Variants in RFX4 observed in about 807,000 individuals in gnomAD.
RFX4 encodes transcription factor RFX4.
In RFX4, 10 loss-of-function variants were observed where a neutral mutation model predicts 95.0. That is an observed-to-expected ratio of 0.11 (90% CI 0.06 to 0.18). The LOEUF is 0.18. RFX4 is among the 10% of genes least tolerant of loss of function. RFX4 has a pLI of 1.00. For synonymous variants in RFX4, 321 were observed against 340.7 expected (o/e 0.94, Z 0.64); for missense variants, 640 against 922.0 (o/e 0.69, Z 3.96).
At position 106,596,237 on chromosome 12, in the gene RFX4, C is replaced by T. The variant is rs186790794; in HGVS notation, c.44-12560C>T. Among the ~76,000 whole-genome samples, 659 of 152,248 alleles carry T rather than the reference C, an allele frequency of 4.3e-3. 4 individuals carry two copies. The highest frequency in any genetic ancestry group is 0.01 in the Middle Eastern group (3 of 294). The stretch of plus-strand genomic sequence containing the variant: ...GCAGGTCTTTCCTGTGCTGTTCTTG[C>T]GATAGTCAGTGAGTCTCATGAAATC... On this transcript the variant is annotated intron_variant, in intron 1 of 17. Coordinates refer to ENST00000392842, the MANE Select transcript of RFX4 (RefSeq NM_213594.3).
At chr12:106,658,490 A>T (rs1397673704) in intron 4 of RFX4, among the ~76,000 whole-genome samples, 1 of 152,098 alleles carries the variant, frequency 6.6e-6, no homozygotes, top group Non-Finnish European at 1.5e-5. Flanking sequence ...CCAATTTAAA[A>T]CTTCAATCTC....
intron 2 of RFX4, among the ~76,000 whole-genome samples, chr12:106,631,560 A>T (rs1451875360): frequency 1.3e-5 from 2 of 152,146 alleles, no homozygotes; most frequent in African/African-American, 2.4e-5. Context: ...TCTCCTTATA[A>T]AAGAGGCCCC....
intron 3 of RFX4, among the ~76,000 whole-genome samples, chr12:106,647,682 A>G (rs1378267055): frequency 6.6e-6 from 1 of 152,104 alleles, no homozygotes; most frequent in Non-Finnish European, 1.5e-5. Flanking sequence ...CCTGCCATCA[A>G]AGGACTTTCA....
intron 8 of RFX4, among the ~76,000 whole-genome samples, chr12:106,707,326 A>G (rs2042105056): frequency 6.6e-6 from 1 of 152,172 alleles, no homozygotes; most frequent in Non-Finnish European, 1.5e-5. Flanking sequence ...AAGTGCAGAC[A>G]GTGAATCTGC....
At chr12:106,618,888 T>C (rs1318265559) in intron 2 of RFX4, among the ~76,000 whole-genome samples, 3 of 152,200 alleles carry the variant, frequency 2.0e-5, no homozygotes, top group African/African-American at 7.2e-5. Flanking sequence ...TTCTGCTAGC[T>C]TTTCAATTAT....
intron 1 of RFX4, among the ~76,000 whole-genome samples, chr12:106,602,649 G>C (rs2039736082): frequency 1.3e-5 from 2 of 152,154 alleles, no homozygotes; most frequent in Non-Finnish European, 2.9e-5. Context: ...TCCTGGGGTT[G>C]GGGGTAACCT....
chr12:106,649,927 C>T (rs1407213884), intron 3 of RFX4, among the ~76,000 whole-genome samples: 1 of 152,184 alleles, frequency 6.6e-6, no homozygotes, highest in Non-Finnish European at 1.5e-5. Context: ...CCTCTGCCCC[C>T]ACAACCATTG....
rs562768808 is a variant in RFX4 at position 106,750,137 on chromosome 12, T to C, written c.1797-518T>C. Among the ~76,000 whole-genome samples, 6 of 151,098 alleles carry C rather than the reference T, an allele frequency of 4.0e-5. No homozygotes were observed. The South Asian group carries it at 1.3e-3, about 32-fold the overall frequency. On this transcript the variant is annotated intron_variant, in intron 16 of 17. Transcript: ENST00000392842. ...AGGGAGAAGGAAAATCAACCTGGGG[T>C]TTTAAGTTAACCATAACAAGGCCAC... is the stretch of plus-strand genomic sequence containing the variant.
intron 2 of RFX4, among the ~76,000 whole-genome samples, chr12:106,633,230 G>A (rs1370158000): frequency 6.6e-6 from 1 of 152,168 alleles, no homozygotes; most frequent in Non-Finnish European, 1.5e-5. Flanking sequence ...GAGCTGGAGG[G>A]CCCACATTGG....
intron 4 of RFX4, among the ~76,000 whole-genome samples, chr12:106,663,775 G>A (rs556178612): frequency 6.7e-5 from 10 of 148,654 alleles, no homozygotes; most frequent in East Asian, 2.0e-4. Flanking sequence ...TTTTCAAATC[G>A]TGAGTGGGTG....
intron 3 of RFX4, among the ~76,000 whole-genome samples, chr12:106,652,663 T>C (rs1461698105): frequency 6.6e-6 from 1 of 152,236 alleles, no homozygotes; most frequent in East Asian, 1.9e-4. Flanking sequence ...AGGTTTTGTC[T>C]TGGTGCTGAC....
chr12:106,684,917 A>G, intron 5 of RFX4: 1 of 1,613,698 alleles, frequency 6.2e-7, no homozygotes, highest in Non-Finnish European at 8.5e-7. Flanking sequence ...TGGTATCAGG[A>G]GTAAAGGAGG....
intron 6 of RFX4, 74 bp downstream of exon 6, chr12:106,687,171 C>CTCTCTCTCTCTA (rs2041673718): frequency 6.5e-6 from 5 of 770,044 alleles, no homozygotes; most frequent in Non-Finnish European, 1.0e-5. Context: ...GTCTCTATCT[C>CTCTCTCTCTCTA]TCTCTCTCTC....
intron 17 of RFX4, among the ~76,000 whole-genome samples, chr12:106,757,525 G>C: frequency 6.7e-6 from 1 of 150,232 alleles, no homozygotes; most frequent in East Asian, 2.0e-4. Flanking sequence ...TCCAGCCTGG[G>C]TGACAGGGCA....
Position 106,586,472 on chromosome 12 carries a change from G to A in RFX4, c.43+3109G>A, listed in dbSNP as rs1402987373. On this transcript the variant is annotated intron_variant, in intron 1 of 17. Coordinates refer to ENST00000392842, the MANE Select transcript of RFX4 (RefSeq NM_213594.3). The surrounding 1 kb of genome is among the most constrained non-coding windows in gnomAD (Gnocchi z 5.6). ...GAATTTTAGGCCACCGAGAACTTGT[G>A]CAAAGTGGGCCGGGCCGGGTCGGTC... is the stretch of plus-strand genomic sequence containing the variant. Among the ~76,000 whole-genome samples the A allele has an allele frequency of 6.6e-6, 1 of 152,010 alleles. No homozygotes were observed. The highest frequency in any genetic ancestry group is 1.5e-5 in the Non-Finnish European group (1 of 67,998).
intron 9 of RFX4, 80 bp from the exon 10 acceptor site, chr12:106,711,373 T>C: frequency 7.4e-7 from 1 of 1,350,604 alleles, no homozygotes; most frequent in South Asian, 1.2e-5. Flanking sequence ...CAGGCTACTT[T>C]TTGAAATGTG....
chr12:106,730,217 T>C (rs966664050), intron 13 of RFX4, among the ~76,000 whole-genome samples: 3 of 151,994 alleles, frequency 2.0e-5, no homozygotes, highest in Non-Finnish European at 4.4e-5. Flanking sequence ...AGGGTGTGGG[T>C]GTATACAGAA....
At chr12:106,637,905 A>G (rs1241940395) in intron 2 of RFX4, among the ~76,000 whole-genome samples, 1 of 152,158 alleles carries the variant, frequency 6.6e-6, no homozygotes, top group African/African-American at 2.4e-5. Flanking sequence ...AGGCAATACT[A>G]ATTTTAATCC....
Position 106,747,474 on chromosome 12 carries a change from A to G in RFX4, c.1671A>G (p.Thr557=). Residue 557 remains threonine (T), a synonymous_variant, in exon 16 of 18, where the codon ACA becomes ACG. Coordinates refer to ENST00000392842, the MANE Select transcript of RFX4 (RefSeq NM_213594.3). ...CTTACACGTGGTCTCTAACATACAC[A>G]GTGACGACGGCTGCTGGGTCCCCAG... The part of the protein sequence containing the change: ...MQSYTWSLTY[T]VTTAAGSPAE... The G allele has an allele frequency of 1.9e-6, 3 of 1,614,202 alleles. No homozygotes were observed. Among genetic ancestry groups the G allele is most frequent in the Non-Finnish European group, 2.5e-6 (3 of 1,180,020 alleles).
Sources: gnomAD v4.1 joint callset for allele counts (sites outside exome capture counted in the v4.1 genomes callset) on GRCh38, gnomAD v4.1.1 for gene constraint, Gnocchi (gnomAD v3.1) non-coding constraint, MANE v1.5 for transcripts, NCBI Gene and HGNC (gene_info 2026-07-23, HGNC 2026-07-21) for gene names.